RNPEPL1: variants seen among roughly 807,000 people sequenced by gnomAD.
RNPEPL1 encodes arginyl aminopeptidase like 1.
Under a neutral mutation model 69.0 loss-of-function variants are expected in RNPEPL1, and 46 were observed. That is an observed-to-expected ratio of 0.67 (90% confidence interval 0.53 to 0.85). The LOEUF (loss-of-function observed/expected upper bound fraction) is 0.85. RNPEPL1 is among the 40% of genes least tolerant of loss of function. RNPEPL1 has a pLI of 0.00. For synonymous variants in RNPEPL1, 525 were observed against 454.1 expected (o/e 1.16, Z -1.98); for missense variants, 869 against 992.5 (o/e 0.88, Z 1.67).
Position 240,569,060 on chromosome 2 carries a change from G to C in RNPEPL1, c.474G>C (p.Gln158His). 1 of 1,510,066 alleles carries C rather than the reference G, an allele frequency of 6.6e-7. No individual in the cohort carries two copies. Among genetic ancestry groups the C allele is most frequent in the Non-Finnish European group, 8.8e-7 (1 of 1,136,678 alleles). 93.5% of individuals were successfully genotyped at this position (1,510,066 alleles called of 1,614,324 possible). ...CCGTCACGCTGCCGCCCGAGCTGCA[G>C]GCGCACCAGCCCTTCCAGGTCATCC... Reference protein sequence around the residue: ...SLTVTLPPELQAHQPFQVILR... With the variant: ...SLTVTLPPELHAHQPFQVILR... The change falls in exon 1 of 11, where the codon CAG becomes CAC. Residue 158 changes from glutamine (Q) to histidine (H), a missense_variant. Physicochemically the swap from Gln to His is conservative, Grantham distance 24 (BLOSUM62 0). Coordinates refer to ENST00000270357, the MANE Select transcript of RNPEPL1 (RefSeq NM_018226.6).
rs987282307 is a variant in RNPEPL1, at chr2:240,580,024, G to A, written c.*2132G>A. On this transcript the variant is annotated 3_prime_UTR_variant, in exon 11 of 11. Coordinates refer to ENST00000270357, the MANE Select transcript of RNPEPL1 (RefSeq NM_018226.6). ...CAGTGCCCAGCGTCATGACCCTGGG[G>A]GCAGGAGGGCATCTGGATCCAGGAT... is the stretch of plus-strand genomic sequence containing the variant. 1.7e-4 allele frequency: 26 copies of A among 152,252 alleles called. No homozygotes were observed. Among genetic ancestry groups the A allele is most frequent in the African/African-American group, 6.3e-4 (26 of 41,436 alleles). 9.4% of individuals were successfully genotyped at this position (152,252 alleles called of 1,614,324 possible).
intron 10 of RNPEPL1, 99 bp downstream of exon 10, chr2:240,577,089 G>C (rs2093040063): frequency 2.2e-5 from 32 of 1,475,272 alleles, no homozygotes; most frequent in Middle Eastern, 2.4e-4. Context: ...GGCAGGCCAG[G>C]CACATTCTGG....
chr2:240,568,717 TG>T lies in RNPEPL1; in HGVS notation c.132del (p.Gln45SerfsTer140). On this transcript the variant is annotated frameshift_variant, in exon 1 of 11. Transcript: ENST00000270357. LOFTEE classifies it high-confidence loss of function. The surrounding 1 kb of genome is among the most constrained non-coding windows in gnomAD (Gnocchi z 6.2). ...GCGCAGCTCTTCCGCCTCCGCCACCTGCAGCTGGGCCTGGAGCTGCGGCCCG... is the reference window on the plus strand; with the variant it reads ...GCGCAGCTCTTCCGCCTCCGCCACCTCAGCTGGGCCTGGAGCTGCGGCCCG... ...SSAQLFRLRHLQLGLELRPEA... is the reference protein window; with the variant it reads ...SSAQLFRLRHXQLGLELRPEA... 1 of 1,073,212 alleles carries T rather than the reference TG, an allele frequency of 9.3e-7. No homozygotes were observed. Among genetic ancestry groups the T allele is most frequent in the South Asian group, 2.8e-5 (1 of 36,208 alleles). The allele number at this position is 1,073,212 out of a possible 1,614,324, so 66.5% of individuals were successfully genotyped here.
chr2:240,576,323 C>G, intron 8 of RNPEPL1: 1 of 593,872 alleles, frequency 1.7e-6, no homozygotes, highest in Non-Finnish European at 3.0e-6. Flanking sequence ...CAACCCAAGT[C>G]TCTGCTTCCC....
chr2:240,568,734 C>A lies in RNPEPL1; in HGVS notation c.148C>A (p.Leu50Met). The A allele has an allele frequency of 9.4e-7, 1 of 1,064,662 alleles. No individual in the cohort carries two copies. The highest frequency in any genetic ancestry group is 3.1e-5 in the South Asian group (1 of 31,808). 66.0% of individuals were successfully genotyped at this position (1,064,662 alleles called of 1,614,324 possible). A position where few individuals can be genotyped will look rare whatever the true frequency, so the allele number is the denominator to read the frequency against. ...CCGCCACCTGCAGCTGGGCCTGGAG[C>A]TGCGGCCCGAGGCGCGCGAGTTGGC... The part of the protein sequence containing the change: ...RLRHLQLGLE[L>M]RPEARELAGC... The change falls in exon 1 of 11, where the codon CTG (leucine) becomes ATG (methionine). Residue 50 changes from leucine to methionine, a missense_variant. Around this residue, in one of 2 missense-constraint regions of RNPEPL1, gnomAD observed 259 missense variants for 201.5 expected, o/e 1.29. Coordinates refer to ENST00000270357, the MANE Select transcript of RNPEPL1 (RefSeq NM_018226.6). The surrounding 1 kb of genome is among the most constrained non-coding windows in gnomAD (Gnocchi z 6.2).
intron 3 of RNPEPL1, 41 bp from the exon 4 acceptor site, chr2:240,573,734 G>A (rs761189168): frequency 6.8e-7 from 1 of 1,468,092 alleles, no homozygotes; most frequent in Non-Finnish European, 9.1e-7. Flanking sequence ...GAGCGGGGCT[G>A]GGGCTGCTCG....
At position 240,572,505 on chromosome 2, in the gene RNPEPL1, C is replaced by G. The variant is rs1559415766; in HGVS notation, c.611C>G (p.Ser204Cys). 1 of 1,536,310 alleles carries G rather than the reference C, an allele frequency of 6.5e-7. No individual in the cohort carries two copies. Among genetic ancestry groups the G allele is most frequent in the Non-Finnish European group, 8.7e-7 (1 of 1,146,902 alleles). The change falls in exon 2 of 11, where the codon TCC becomes TGC. Residue 204 changes from serine (S) to cysteine (C), a missense_variant. Ser to Cys is a moderately radical substitution (Grantham distance 112, BLOSUM62 -1). Around this residue, in one of 2 missense-constraint regions of RNPEPL1, gnomAD observed 610 missense variants for 790.9 expected, o/e 0.77. Coordinates refer to ENST00000270357, the MANE Select transcript of RNPEPL1 (RefSeq NM_018226.6). Reference sequence around the variant, plus strand: ...CAGGGCCACTCCGTGTGCAACCGCTCCTTCTTCCCGTGCTTCGACACACCT... The same window carrying G: ...CAGGGCCACTCCGTGTGCAACCGCTGCTTCTTCCCGTGCTTCGACACACCT... ...FTQGHSVCNR[S>C]FFPCFDTPAV...
chr2:240,574,438 C>T, intron 5 of RNPEPL1, 77 bp from the exon 6 acceptor site: 2 of 1,531,396 alleles, frequency 1.3e-6, no homozygotes, highest in Non-Finnish European at 8.9e-7. Context: ...TGCCATGCTG[C>T]AGGTGCCCAC....
intron 8 of RNPEPL1, 145 bp from the exon 9 acceptor site, chr2:240,576,390 T>C: frequency 1.4e-6 from 1 of 692,324 alleles, no homozygotes; most frequent in Middle Eastern, 4.0e-4. Flanking sequence ...TGGCTGGAGC[T>C]GACTCCGCCT....
Position 240,574,100 on chromosome 2 carries a change from C to A in RNPEPL1, c.939-13C>A. ...CCCCGAGGTCTGCCACCCTCACCGC[C>A]CTCCCGGTGCAGGTACGACATTGTC... On this transcript the variant is annotated splice_polypyrimidine_tract_variant and intron_variant, in intron 4 of 10. Coordinates refer to ENST00000270357, the MANE Select transcript of RNPEPL1 (RefSeq NM_018226.6). 1 of 1,609,602 alleles carries A rather than the reference C, an allele frequency of 6.2e-7. No individual in the cohort carries two copies. Among genetic ancestry groups the A allele is most frequent in the Non-Finnish European group, 8.5e-7 (1 of 1,177,340 alleles).
At chr2:240,569,275 C>A in intron 1 of RNPEPL1, 161 bp downstream of exon 1, 1 of 787,884 alleles carries the variant, frequency 1.3e-6, no homozygotes, top group Non-Finnish European at 1.8e-6. Context: ...GCCCTTAGGA[C>A]CCTCGGATAG....
chr2:240,573,413 C>CGCCAGGGCCCTGTCT, intron 3 of RNPEPL1, 152 bp downstream of exon 3: 1 of 750,098 alleles, frequency 1.3e-6, no homozygotes, highest in Non-Finnish European at 2.1e-6. Context: ...TTGGTGCCAC[C>CGCCAGGGCCCTGTCT]GCCAGGGCCC....
At position 240,575,122 on chromosome 2, in the gene RNPEPL1, C is replaced by T. The variant is rs762416556; in HGVS notation, c.1381C>T (p.Arg461Cys). The T allele has an allele frequency of 8.7e-6, 14 of 1,613,220 alleles. No individual in the cohort carries two copies. The highest frequency in any genetic ancestry group is 1.6e-4 in the Middle Eastern group (1 of 6,082). ...GTCCCAGCTCTGCGGAGACCCACAG[C>T]GCTTTGATGACTTTCTCCGAGTGAG... is the stretch of plus-strand genomic sequence containing the variant. ...YLSQLCGDPQ[R>C]FDDFLRAYVE... Residue 461 changes from arginine (R) to cysteine (C), a missense_variant, in exon 7 of 11, where the codon CGC becomes TGC. This residue lies in a region of RNPEPL1 where 610 missense variants were observed against 790.9 expected (regional missense o/e 0.77). Coordinates refer to ENST00000270357, the MANE Select transcript of RNPEPL1 (RefSeq NM_018226.6).
chr2:240,569,184 G>A, intron 1 of RNPEPL1, 70 bp downstream of exon 1: 3 of 1,359,344 alleles, frequency 2.2e-6, no homozygotes, highest in South Asian at 1.7e-5. Flanking sequence ...CTCGCCGCAC[G>A]GCCAGGCTGA....
rs773885721 is a variant in RNPEPL1 at position 240,573,881 on chromosome 2, A to C, written c.928A>C (p.Met310Leu). ...AGCTGAGCGGCTGTATGGGCCCTACATGTGGGGCAGGTAGGCCCCGGGGAC... is the reference window on the plus strand; with the variant it reads ...AGCTGAGCGGCTGTATGGGCCCTACCTGTGGGGCAGGTAGGCCCCGGGGAC... Reference protein sequence around the residue: ...SAAERLYGPYMWGRYDIVFLP... With the variant: ...SAAERLYGPYLWGRYDIVFLP... The change falls in exon 4 of 11, where the codon ATG (methionine) becomes CTG (leucine). Residue 310 changes from methionine to leucine, a missense_variant. By Grantham distance (15) the Met-to-Leu change is conservative (BLOSUM62 2). Around this residue, in one of 2 missense-constraint regions of RNPEPL1, gnomAD observed 610 missense variants for 790.9 expected, o/e 0.77. Transcript: ENST00000270357. 1 of 1,577,018 alleles carries C rather than the reference A, an allele frequency of 6.3e-7. No homozygotes were observed. The highest frequency in any genetic ancestry group is 1.2e-5 in the South Asian group (1 of 86,310).
intron 6 of RNPEPL1, 61 bp downstream of exon 6, chr2:240,574,689 C>T: frequency 7.4e-7 from 1 of 1,359,366 alleles, no homozygotes; most frequent in Non-Finnish European, 1.0e-6. Flanking sequence ...GGCCTCCTTG[C>T]CTGCCCTTCG....
rs1356717619 is a variant in RNPEPL1 at position 240,572,676 on chromosome 2, C to T, written c.669+113C>T. 5.2e-6 allele frequency: 7 copies of T among 1,339,628 alleles called. No homozygotes were observed. In the East Asian group the frequency reaches 1.8e-4, roughly 34 times the overall value. The allele number at this position is 1,339,628 out of a possible 1,614,324, so 83.0% of individuals were successfully genotyped here. On this transcript the variant is annotated intron_variant, in intron 2 of 10. Transcript: ENST00000270357. ...GGCTGTGGCCCCAGCTGCCAGCAGG[C>T]CACAGTGCTAGCAGGAGCCCACCCT...
At chr2:240,573,919 C>G in intron 4 of RNPEPL1, 28 bp downstream of exon 4, 1 of 1,565,824 alleles carries the variant, frequency 6.4e-7, no homozygotes, top group Non-Finnish European at 8.7e-7. Flanking sequence ...GTGGACCTGG[C>G]TGGCTGGAAG....
In RNPEPL1 at chr2:240,568,792, G is replaced by A; in HGVS notation, c.206G>A (p.Arg69Gln). The A allele has an allele frequency of 2.8e-6, 3 of 1,077,196 alleles. No individual in the cohort carries two copies. Among genetic ancestry groups the A allele is most frequent in the Non-Finnish European group, 2.3e-6 (2 of 888,258 alleles). 66.7% of individuals were successfully genotyped at this position (1,077,196 alleles called of 1,614,324 possible). A position where few individuals can be genotyped will look rare whatever the true frequency, so the allele number is the denominator to read the frequency against. ...GCLVLELCAL[R>Q]PAPRALVLDA... Reference sequence around the variant, plus strand: ...CTGGTGCTCGAGCTGTGCGCGCTGCGGCCCGCGCCCCGCGCGCTCGTGCTC... The same window carrying A: ...CTGGTGCTCGAGCTGTGCGCGCTGCAGCCCGCGCCCCGCGCGCTCGTGCTC... The change falls in exon 1 of 11, where the codon CGG becomes CAG. Residue 69 changes from arginine to glutamine, a missense_variant. Transcript: ENST00000270357. The surrounding 1 kb of genome is among the most constrained non-coding windows in gnomAD (Gnocchi z 6.2).
Sources: gnomAD v4.1 joint callset for allele counts on GRCh38, gnomAD v4.1.1 for gene constraint, gnomAD v4.1.1 regional missense constraint, Gnocchi (gnomAD v3.1) non-coding constraint, MANE v1.5 for transcripts, NCBI Gene and HGNC (gene_info 2026-07-23, HGNC 2026-07-21) for gene names.